Variants in SNX29 observed in about 807,000 individuals in gnomAD.
SNX29 encodes the protein sorting nexin 29, also known as sorting nexin-29.
A neutral mutation model predicts 102.1 loss-of-function variants in SNX29; 78 were observed. The observed-to-expected ratio is 0.76, with a 90% CI of 0.64 to 0.92. The LOEUF (loss-of-function observed/expected upper bound fraction) is 0.92, where lower values mean the gene tolerates loss of function less well. Among genes scored for constraint, SNX29 ranks in the 40% least tolerant of loss-of-function variants. The pLI, the probability that SNX29 is intolerant of heterozygous loss-of-function variation, is 0.00. For missense variants in SNX29, 1,280 were observed against 1,061.7 expected (o/e 1.21, Z -2.86); for synonymous variants, 580 against 414.5 (o/e 1.40, Z -4.85).
intron 15 of SNX29, among the ~76,000 whole-genome samples, chr16:12,342,091 CAGA>C (rs1485107625): frequency 1.3e-5 from 2 of 152,188 alleles, no homozygotes; most frequent in African/African-American, 2.4e-5. Flanking sequence ...GAATAGAAAA[CAGA>C]AGAAGATCAC....
chr16:12,312,459 G>A (rs528949775), intron 15 of SNX29, among the ~76,000 whole-genome samples: 2 of 152,172 alleles, frequency 1.3e-5, no homozygotes, highest in African/African-American at 4.8e-5. Context: ...AACCCTGTTC[G>A]TCTGCAGGAA....
chr16:12,486,260 G>C (rs553470527), intron 19 of SNX29, among the ~76,000 whole-genome samples: 1 of 152,274 alleles, frequency 6.6e-6, no homozygotes, highest in East Asian at 1.9e-4. Context: ...AATGTGATTA[G>C]ATTGGGCCCA....
At chr16:12,491,170 TTGA>T (rs1274708424) in intron 19 of SNX29, among the ~76,000 whole-genome samples, 2 of 152,266 alleles carry the variant, frequency 1.3e-5, no homozygotes, top group African/African-American at 4.8e-5. Context: ...TACTCTCTCT[TTGA>T]TGAACATTTA....
intron 8 of SNX29, among the ~76,000 whole-genome samples, chr16:12,054,170 G>T (rs371297909): frequency 8.5e-5 from 13 of 152,278 alleles, no homozygotes; most frequent in African/African-American, 2.4e-4. Flanking sequence ...GTTTCACCCT[G>T]TTAGCCGGGA....
At chr16:12,366,192 C>A (rs2082474354) in intron 16 of SNX29, among the ~76,000 whole-genome samples, 2 of 152,028 alleles carry the variant, frequency 1.3e-5, no homozygotes, top group South Asian at 4.2e-4. Context: ...TGATAGTCTT[C>A]CTTACTGTGG....
chr16:12,184,499 C>G (rs1160682980), intron 13 of SNX29, among the ~76,000 whole-genome samples: 1 of 152,214 alleles, frequency 6.6e-6, no homozygotes, highest in African/African-American at 2.4e-5. Flanking sequence ...CTGCTGGTAG[C>G]CTTATTTCCA....
chr16:12,225,250 C>G (rs1388171612), intron 14 of SNX29, among the ~76,000 whole-genome samples: 5 of 152,044 alleles, frequency 3.3e-5, no homozygotes, highest in African/African-American at 1.2e-4. Context: ...TTACTTGGCT[C>G]TAGGTGTATC....
Position 11,999,166 on chromosome 16 carries a change from T to G in SNX29, c.8-131T>G, listed in dbSNP as rs8052542. 351 of 761,242 alleles carry G rather than the reference T, an allele frequency of 4.6e-4. 1 individual carries two copies. The African/African-American group carries it at 5.8e-3, about 13-fold the overall frequency. The allele number at this position is 761,242 out of a possible 1,614,324, so 47.2% of individuals were successfully genotyped here. A position where few individuals can be genotyped will look rare whatever the true frequency, so the allele number is the denominator to read the frequency against. ...AACAGGCAATAGCCAAACTTCATTG[T>G]AATGATACAGATTATTGATACCTAG... On this transcript the variant is annotated intron_variant, in intron 1 of 20. Transcript: ENST00000566228.
intron 14 of SNX29, among the ~76,000 whole-genome samples, chr16:12,252,707 A>G (rs2078456861): frequency 6.6e-6 from 1 of 152,126 alleles, no homozygotes; most frequent in South Asian, 2.1e-4. Context: ...TGCGGTGCCG[A>G]GGTGCCTGGT....
intron 8 of SNX29, among the ~76,000 whole-genome samples, chr16:12,058,579 C>T (rs1296671126): frequency 2.0e-5 from 3 of 148,942 alleles, no homozygotes; most frequent in South Asian, 2.1e-4. Context: ...CTGCAACCTC[C>T]GCCTCTCGAG....
chr16:12,002,186 G>A lies in SNX29; in HGVS notation c.70-805G>A, dbSNP rs547329833. On this transcript the variant is annotated intron_variant, in intron 2 of 20. Transcript: ENST00000566228. ...TGCAGGGCCGGGCGCATTGGCTCAC[G>A]CCTGTAATCCCAGCACTTTGGGAGG... is the stretch of plus-strand genomic sequence containing the variant. Among the ~76,000 whole-genome samples, 7 of 152,114 alleles carry A rather than the reference G, an allele frequency of 4.6e-5. No individual in the cohort carries two copies. The South Asian group carries it at 1.2e-3, about 27-fold the overall frequency.
intron 15 of SNX29, among the ~76,000 whole-genome samples, chr16:12,321,170 C>T (rs114055414): frequency 1.8e-3 from 276 of 152,234 alleles, no homozygotes; most frequent in African/African-American, 6.3e-3. Flanking sequence ...CTGTTCCTAC[C>T]ACATCCCAGT....
At chr16:12,213,361 T>G (rs773939854) in intron 14 of SNX29, among the ~76,000 whole-genome samples, 10 of 152,130 alleles carry the variant, frequency 6.6e-5, no homozygotes, top group Non-Finnish European at 1.2e-4. Context: ...AAAAACTACC[T>G]ATTGGGTCTA....
chr16:12,428,733 C>T (rs569028608), intron 18 of SNX29, among the ~76,000 whole-genome samples: 1 of 151,586 alleles, frequency 6.6e-6, no homozygotes, highest in Non-Finnish European at 1.5e-5. Context: ...TTAATCACAC[C>T]ACATAGATAC....
At chr16:12,058,604 C>T (rs2050624298) in intron 8 of SNX29, among the ~76,000 whole-genome samples, 1 of 150,094 alleles carries the variant, frequency 6.7e-6, no homozygotes, top group African/African-American at 2.5e-5. Flanking sequence ...AGTGATTCTC[C>T]TGCCTCACCC....
At chr16:12,564,811 A>T (rs1169954928) in intron 20 of SNX29, among the ~76,000 whole-genome samples, 1 of 151,790 alleles carries the variant, frequency 6.6e-6, no homozygotes, top group East Asian at 1.9e-4. Context: ...TCATTCCAGA[A>T]GTCTCGGTGG....
At chr16:12,519,013 G>A (rs1033319886) in intron 19 of SNX29, among the ~76,000 whole-genome samples, 5 of 152,152 alleles carry the variant, frequency 3.3e-5, no homozygotes, top group African/African-American at 7.2e-5. Context: ...ACTGGCCCAC[G>A]GAGGCTGCCA....
At chr16:12,231,542 AC>A (rs566950385) in intron 14 of SNX29, among the ~76,000 whole-genome samples, 3 of 51,520 alleles carry the variant, frequency 5.8e-5, no homozygotes, top group Non-Finnish European at 2.4e-4. Flanking sequence ...TAAAAAAAAA[AC>A]AAAAAACAAA....
chr16:12,067,020 TA>T (rs2051069690), intron 9 of SNX29, among the ~76,000 whole-genome samples: 1 of 146,778 alleles, frequency 6.8e-6, no homozygotes, highest in Non-Finnish European at 1.5e-5. Flanking sequence ...AATAAATAAA[TA>T]AATAAATAAA....
Sources: gnomAD v4.1 joint callset for allele counts (sites outside exome capture counted in the v4.1 genomes callset) on GRCh38, gnomAD v4.1.1 for gene constraint, MANE v1.5 for transcripts, NCBI Gene and HGNC (gene_info 2026-07-23, HGNC 2026-07-21) for gene names.